Variants in MED27 observed in about 807,000 individuals in gnomAD.
MED27 encodes the protein mediator of RNA polymerase II transcription subunit 27.
A neutral mutation model predicts 38.2 loss-of-function variants in MED27; 30 were observed. The observed-to-expected ratio is 0.79, with a 90% CI of 0.59 to 1.07. The LOEUF is 1.07. Ranked by LOEUF, MED27 falls within the 50% of genes least tolerant of loss-of-function variation. The probability of loss-of-function intolerance (pLI) is 0.00; values close to 1 mark genes in which losing one functional copy is unlikely to be tolerated. For synonymous variants in MED27, 122 were observed against 153.5 expected, an observed-to-expected ratio of 0.79 and a Z score of 1.52; for missense variants, 289 against 397.5, an observed-to-expected ratio of 0.73 and a Z score of 2.32.
chr9:131,944,350 T>C (rs1249067456), intron 3 of MED27, among the ~76,000 whole-genome samples: 1 of 152,130 alleles, frequency 6.6e-6, no homozygotes, highest in African/African-American at 2.4e-5. Flanking sequence ...ACCCCTTGCA[T>C]TGCCTGACGT....
chr9:131,969,344 G>A lies in MED27; in HGVS notation c.480-29870C>T, dbSNP rs148945718. Among the ~76,000 whole-genome samples the A allele has an allele frequency of 5.3e-3, 800 of 152,262 alleles. 15 individuals carry two copies. Among genetic ancestry groups the A allele is most frequent in the African/African-American group, 0.018 (736 of 41,528 alleles). ...GATATCAGTCCTCTTTGCTGGGACA[G>A]GGTGAGCCTGGATTTTTAGTTTTTG... On this transcript the variant is annotated intron_variant, in intron 3 of 7. Coordinates refer to ENST00000292035, the MANE Select transcript of MED27 (RefSeq NM_004269.4).
intron 3 of MED27, among the ~76,000 whole-genome samples, chr9:131,947,139 C>T (rs906558526): frequency 6.6e-6 from 1 of 152,194 alleles, no homozygotes; most frequent in Non-Finnish European, 1.5e-5. Context: ...AAGTAAGCCA[C>T]GGAGACCCAA....
chr9:132,034,096 C>T (rs1248562928), intron 2 of MED27, among the ~76,000 whole-genome samples: 1 of 152,198 alleles, frequency 6.6e-6, no homozygotes, highest in Non-Finnish European at 1.5e-5. Flanking sequence ...GTCATGAGTA[C>T]CGCTGCAATC....
At chr9:131,870,434 G>A (rs1838811712) in intron 6 of MED27, among the ~76,000 whole-genome samples, 1 of 152,246 alleles carries the variant, frequency 6.6e-6, no homozygotes. Flanking sequence ...TTAGCCCGCT[G>A]AATCCCCACG....
chr9:131,885,573 G>A (rs1839125451), intron 5 of MED27, among the ~76,000 whole-genome samples: 1 of 152,124 alleles, frequency 6.6e-6, no homozygotes, highest in Non-Finnish European at 1.5e-5. Context: ...GTTGGCATGT[G>A]GGTAGGGCTC....
At chr9:132,062,831 G>A (rs1349807745) in intron 2 of MED27, among the ~76,000 whole-genome samples, 2 of 151,880 alleles carry the variant, frequency 1.3e-5, no homozygotes, top group Non-Finnish European at 2.9e-5. Flanking sequence ...CTATGTTGCC[G>A]AGATTGGTCT....
intron 2 of MED27, among the ~76,000 whole-genome samples, chr9:132,052,668 A>G (rs373621107): frequency 4.0e-4 from 30 of 74,326 alleles, no homozygotes; most frequent in African/African-American, 1.5e-3. Context: ...CACCCCTCCC[A>G]CCCTCCCACC....
At chr9:132,023,085 A>G (rs1832751503) in intron 2 of MED27, among the ~76,000 whole-genome samples, 1 of 152,204 alleles carries the variant, frequency 6.6e-6, no homozygotes, top group South Asian at 2.1e-4. Context: ...TAGGCACTTG[A>G]GCATTTACTG....
At chr9:131,905,052 G>T (rs1229020897) in intron 4 of MED27, among the ~76,000 whole-genome samples, 1 of 152,044 alleles carries the variant, frequency 6.6e-6, no homozygotes, top group Non-Finnish European at 1.5e-5. Context: ...GCTACCTCTG[G>T]GCTTCCCTTG....
chr9:131,924,756 T>A (rs1278606950), intron 4 of MED27, among the ~76,000 whole-genome samples: 6 of 152,210 alleles, frequency 3.9e-5, no homozygotes, highest in African/African-American at 1.2e-4. Flanking sequence ...CAGGGCTAGC[T>A]CCCTTGGTAG....
chr9:131,958,248 GTTT>G (rs945537637), intron 3 of MED27, among the ~76,000 whole-genome samples: 1 of 141,740 alleles, frequency 7.1e-6, no homozygotes, highest in East Asian at 2.0e-4. Flanking sequence ...ATTCAGTGGG[GTTT>G]TTTTTTTTTT....
intron 4 of MED27, among the ~76,000 whole-genome samples, chr9:131,918,297 G>T (rs1052081666): frequency 1.3e-5 from 2 of 152,170 alleles, no homozygotes; most frequent in South Asian, 2.1e-4. Context: ...GCCTAACTAG[G>T]CTACTGCTAA....
chr9:131,986,890 A>AT (rs1831861784), intron 3 of MED27, among the ~76,000 whole-genome samples: 1 of 152,038 alleles, frequency 6.6e-6, no homozygotes, highest in Admixed American at 6.5e-5. Context: ...GCAGTCAATA[A>AT]ATATTTGCTG....
Position 131,941,817 on chromosome 9 carries a change from A to ATT in MED27, c.480-2345_480-2344dup, listed in dbSNP as rs766438800. ...TAAAGGCAAAGCCCCATTCTGCTGA[A>ATT]TTTTTTTTTTTTTTTTTTTTTTTTT... On this transcript the variant is annotated intron_variant, in intron 3 of 7. Coordinates refer to ENST00000292035, the MANE Select transcript of MED27 (RefSeq NM_004269.4). Among the ~76,000 whole-genome samples the ATT allele has an allele frequency of 3.3e-3, 275 of 82,494 alleles. 24 individuals are homozygous for ATT. The highest frequency in any genetic ancestry group is 0.017 in the East Asian group (37 of 2,200). The allele number at this position is 82,494 out of a possible 152,430, so 54.1% of individuals were successfully genotyped here.
intron 4 of MED27, among the ~76,000 whole-genome samples, chr9:131,922,221 A>C (rs1485005141): frequency 1.3e-5 from 2 of 151,976 alleles, no homozygotes; most frequent in Non-Finnish European, 2.9e-5. Context: ...AAAAAGAAAG[A>C]GCTTTCCCAC....
chr9:132,047,000 T>A (rs1296317538), intron 2 of MED27, among the ~76,000 whole-genome samples: 2 of 152,190 alleles, frequency 1.3e-5, no homozygotes, highest in Non-Finnish European at 2.9e-5. Flanking sequence ...GATGAACTCC[T>A]GGCTTCATCC....
chr9:132,055,362 G>C (rs1833553116), intron 2 of MED27, among the ~76,000 whole-genome samples: 1 of 152,144 alleles, frequency 6.6e-6, no homozygotes, highest in African/African-American at 2.4e-5. Context: ...AAGTTTTATT[G>C]CAACTCTGCA....
rs538237660 is a variant in MED27, at chr9:131,948,508, A to C, written c.480-9034T>G. ...AAAAAAACAAAAACAAAAACAAAAA[A>C]AAAAAACAAAAAACCAAAACATAAC... On this transcript the variant is annotated intron_variant, in intron 3 of 7. Transcript: ENST00000292035. Among the ~76,000 whole-genome samples the C allele has an allele frequency of 3.1e-3, 468 of 151,830 alleles. 1 individual carries two copies. Among genetic ancestry groups the C allele is most frequent in the East Asian group, 0.012 (60 of 5,154 alleles).
At chr9:131,953,570 C>T (rs1157942292) in intron 3 of MED27, among the ~76,000 whole-genome samples, 1 of 151,868 alleles carries the variant, frequency 6.6e-6, no homozygotes, top group Non-Finnish European at 1.5e-5. Flanking sequence ...AAAAATTATA[C>T]AAATATTATA....
Sources: gnomAD v4.1 joint callset for allele counts (sites outside exome capture counted in the v4.1 genomes callset) on GRCh38, gnomAD v4.1.1 for gene constraint, MANE v1.5 for transcripts, NCBI Gene and HGNC (gene_info 2026-07-23, HGNC 2026-07-21) for gene names.